Variants in CA10 observed in about 807,000 individuals in gnomAD.
CA10 encodes the protein carbonic anhydrase 10 (inactive).
A neutral mutation model predicts 44.2 loss-of-function variants in CA10; 14 were observed. That is an observed-to-expected ratio of 0.32 (90% CI 0.21 to 0.50). The LOEUF (loss-of-function observed/expected upper bound fraction) is 0.50, where lower values mean the gene tolerates loss of function less well. Ranked by LOEUF, CA10 falls within the 20% of genes least tolerant of loss-of-function variation. The pLI, the probability that CA10 is intolerant of heterozygous loss-of-function variation, is 0.99. For missense variants in CA10, 350 were observed against 409.7 expected (o/e 0.85, Z 1.26); for synonymous variants, 159 against 141.6 (o/e 1.12, Z -0.87).
At chr17:52,038,091 T>G (rs1414276873) in intron 2 of CA10, among the ~76,000 whole-genome samples, 3 of 152,142 alleles carry the variant, frequency 2.0e-5, no homozygotes, top group African/African-American at 4.8e-5. Context: ...TAAACAGTAT[T>G]GAAAGGATGG....
chr17:52,001,536 A>G (rs1327139986), intron 2 of CA10, among the ~76,000 whole-genome samples: 1 of 151,988 alleles, frequency 6.6e-6, no homozygotes, highest in African/African-American at 2.4e-5. Context: ...ACCTTTCTGT[A>G]AGCAATTAAA....
chr17:51,707,851 C>T (rs2143480817), intron 4 of CA10, among the ~76,000 whole-genome samples: 1 of 152,216 alleles, frequency 6.6e-6, no homozygotes, highest in African/African-American at 2.4e-5. Context: ...GTAAGAGAAA[C>T]ATGGTGGTGG....
At chr17:52,042,664 A>G (rs1202150060) in intron 2 of CA10, among the ~76,000 whole-genome samples, 1 of 151,964 alleles carries the variant, frequency 6.6e-6, no homozygotes, top group Non-Finnish European at 1.5e-5. Flanking sequence ...TATTAAAAAA[A>G]TCTTTGGCAA....
chr17:51,887,512 T>C (rs1430658691), intron 3 of CA10, among the ~76,000 whole-genome samples: 1 of 152,222 alleles, frequency 6.6e-6, no homozygotes, highest in African/African-American at 2.4e-5. Flanking sequence ...GCAAAGTCTT[T>C]GGACTAACAA....
intron 2 of CA10, among the ~76,000 whole-genome samples, chr17:51,931,753 G>C (rs1982671285): frequency 6.6e-6 from 1 of 152,062 alleles, no homozygotes; most frequent in Non-Finnish European, 1.5e-5. Flanking sequence ...CATTTGATAG[G>C]CAGAAAAATG....
chr17:51,680,485 T>A (rs578245345), intron 4 of CA10, among the ~76,000 whole-genome samples: 3 of 152,156 alleles, frequency 2.0e-5, no homozygotes, highest in Admixed American at 2.0e-4. Context: ...TGAGCAATAA[T>A]GAAGGCCAGG....
At chr17:51,671,589 A>G (rs1052868404) in intron 4 of CA10, among the ~76,000 whole-genome samples, 1 of 151,996 alleles carries the variant, frequency 6.6e-6, no homozygotes. Flanking sequence ...TATTTTTAGT[A>G]AAGACGTGAT....
chr17:52,114,109 A>C (rs566911917), intron 1 of CA10, among the ~76,000 whole-genome samples: 41 of 152,224 alleles, frequency 2.7e-4, no homozygotes, highest in Admixed American at 1.7e-3. Flanking sequence ...TAGAAAGATT[A>C]AGCTAAAACA....
chr17:51,636,772 A>AG (rs1567783206), intron 6 of CA10, among the ~76,000 whole-genome samples: 2 of 57,392 alleles, frequency 3.5e-5, no homozygotes, highest in Admixed American at 3.8e-4. Context: ...ACAACTGATT[A>AG]TTTTGTGTGT....
chr17:51,714,552 T>C (rs754043422), intron 4 of CA10, among the ~76,000 whole-genome samples: 59 of 152,318 alleles, frequency 3.9e-4, no homozygotes, highest in Non-Finnish European at 7.1e-4. Context: ...CTTCTCTAGA[T>C]ACCTGATGAG....
chr17:51,871,779 C>A (rs1263973339), intron 3 of CA10, among the ~76,000 whole-genome samples: 3 of 152,014 alleles, frequency 2.0e-5, no homozygotes, highest in African/African-American at 4.8e-5. Flanking sequence ...ACTTACTGAG[C>A]ATGTGTATGC....
intron 3 of CA10, among the ~76,000 whole-genome samples, chr17:51,885,438 G>C (rs147572821): frequency 1.3e-5 from 2 of 152,006 alleles, no homozygotes; most frequent in Non-Finnish European, 2.9e-5. Context: ...ACTCAAACAC[G>C]TTCACAACTC....
At chr17:51,991,868 C>T (rs1985052655) in intron 2 of CA10, among the ~76,000 whole-genome samples, 1 of 152,056 alleles carries the variant, frequency 6.6e-6, no homozygotes, top group African/African-American at 2.4e-5. Flanking sequence ...CTTTGGAAAA[C>T]TTTCCATAAC....
chr17:52,141,143 CCA>C (rs1989470078), intron 1 of CA10, among the ~76,000 whole-genome samples: 1 of 152,170 alleles, frequency 6.6e-6, no homozygotes, highest in Non-Finnish European at 1.5e-5. Flanking sequence ...CCAGCACAAA[CCA>C]TGCCTTAGGG....
At chr17:51,782,694 C>A (rs1567837900) in intron 3 of CA10, among the ~76,000 whole-genome samples, 1 of 152,166 alleles carries the variant, frequency 6.6e-6, no homozygotes, top group Non-Finnish European at 1.5e-5. Flanking sequence ...ATGATCTTGG[C>A]AGGAAAGCAA....
At chr17:51,951,913 G>A (rs966493261) in intron 2 of CA10, among the ~76,000 whole-genome samples, 8 of 152,074 alleles carry the variant, frequency 5.3e-5, no homozygotes, top group African/African-American at 1.7e-4. Context: ...ATGTGCATGT[G>A]GCTACAATTT....
chr17:51,737,961 G>T (rs745803149), intron 4 of CA10, among the ~76,000 whole-genome samples: 14 of 152,126 alleles, frequency 9.2e-5, no homozygotes, highest in Non-Finnish European at 1.6e-4. Context: ...GGCTGCTTCG[G>T]CTAAATATTT....
chr17:52,132,231 G>C (rs921413305), intron 1 of CA10, among the ~76,000 whole-genome samples: 1 of 151,966 alleles, frequency 6.6e-6, no homozygotes, highest in Admixed American at 6.6e-5. Flanking sequence ...AAAACAGCTT[G>C]TCCCCAAGAG....
chr17:51,823,204 G>A (rs997383865), intron 3 of CA10, among the ~76,000 whole-genome samples: 2 of 152,220 alleles, frequency 1.3e-5, no homozygotes, highest in Non-Finnish European at 2.9e-5. Context: ...CCAACAGCCA[G>A]GAAAGGAGTT....
Sources: gnomAD v4.1 joint callset for allele counts (sites outside exome capture counted in the v4.1 genomes callset) on GRCh38, gnomAD v4.1.1 for gene constraint, MANE v1.5 for transcripts, NCBI Gene and HGNC (gene_info 2026-07-23, HGNC 2026-07-21) for gene names.